KCNMA1: variants seen among roughly 807,000 people sequenced by gnomAD.
The protein encoded by KCNMA1 is potassium calcium-activated channel subfamily M alpha 1.
Under a neutral mutation model 140.0 loss-of-function variants are expected in KCNMA1, and 29 were observed. That is an observed-to-expected ratio of 0.21 (90% CI 0.15 to 0.28). The LOEUF (loss-of-function observed/expected upper bound fraction) is 0.28. Among genes scored for constraint, KCNMA1 ranks in the 10% least tolerant of loss-of-function variants. KCNMA1 has a pLI of 1.00. For synonymous variants in KCNMA1, 612 were observed against 611.9 expected, an observed-to-expected ratio of 1.00 and a Z score of 0.00; for missense variants, 880 against 1,602.2, an observed-to-expected ratio of 0.55 and a Z score of 7.70.
chr10:77,448,126 T>C (rs1471428443), intron 1 of KCNMA1, among the ~76,000 whole-genome samples: 2 of 152,078 alleles, frequency 1.3e-5, no homozygotes, highest in Admixed American at 6.6e-5. Flanking sequence ...CCCATTCTCA[T>C]AAAGGGGTGA....
intron 2 of KCNMA1, among the ~76,000 whole-genome samples, chr10:77,382,860 C>G (rs1471324761): frequency 1.4e-5 from 1 of 69,558 alleles, no homozygotes. Context: ...AGCAAAGCTC[C>G]GTCTCAAAAA....
intron 1 of KCNMA1, among the ~76,000 whole-genome samples, chr10:77,451,144 A>C (rs1042193777): frequency 6.6e-6 from 1 of 152,152 alleles, no homozygotes; most frequent in South Asian, 2.1e-4. Flanking sequence ...GAATAATACA[A>C]GACACAAGCC....
At chr10:77,067,494 G>C (rs983833594) in intron 14 of KCNMA1, among the ~76,000 whole-genome samples, 1 of 151,672 alleles carries the variant, frequency 6.6e-6, no homozygotes, top group African/African-American at 2.4e-5. Context: ...TCTCTCTCAC[G>C]CATGTGTGTG....
At chr10:77,119,770 A>C (rs1341477621) in intron 6 of KCNMA1, among the ~76,000 whole-genome samples, 1 of 152,226 alleles carries the variant, frequency 6.6e-6, no homozygotes, top group Non-Finnish European at 1.5e-5. Flanking sequence ...GCAGGAGGAC[A>C]TACTTTTAAA....
chr10:77,146,723 A>AAAAAAG (rs2098304712), intron 5 of KCNMA1, among the ~76,000 whole-genome samples: 1 of 137,608 alleles, frequency 7.3e-6, no homozygotes, highest in Non-Finnish European at 1.6e-5. Flanking sequence ...AAAAAAAAAA[A>AAAAAAG]AAAAAAAGAA....
chr10:77,432,836 G>A (rs1036437975), intron 1 of KCNMA1, among the ~76,000 whole-genome samples: 13 of 152,266 alleles, frequency 8.5e-5, no homozygotes, highest in East Asian at 1.9e-4. Context: ...ACACCTGGGC[G>A]AGAGAGACTT....
intron 9 of KCNMA1, among the ~76,000 whole-genome samples, chr10:77,099,714 CA>C (rs58252192): frequency 0.72 from 90,391 of 125,692 alleles, 30,798 homozygotes; most frequent in African/African-American, 0.8. Flanking sequence ...AACTCCATCT[CA>C]AAAAAAAAAA....
chr10:76,977,693 A>G (rs2153223125), intron 19 of KCNMA1: 3 of 702,110 alleles, frequency 4.3e-6, no homozygotes, highest in East Asian at 2.7e-5. Context: ...CCTGAAGTGC[A>G]CAGATCTGGG....
At chr10:77,313,543 C>T (rs1311203531) in intron 2 of KCNMA1, among the ~76,000 whole-genome samples, 1 of 152,198 alleles carries the variant, frequency 6.6e-6, no homozygotes, top group Non-Finnish European at 1.5e-5. Context: ...CACCCAAGAA[C>T]AGCGAACAGG....
chr10:77,590,447 C>T lies in KCNMA1; in HGVS notation c.378+46818G>A, dbSNP rs544640743. Among the ~76,000 whole-genome samples the T allele has an allele frequency of 2.0e-5, 3 of 152,306 alleles. No homozygotes were observed. In the South Asian group the frequency reaches 6.2e-4, roughly 32 times the overall value. ...GCCCTGCGGGAAGGCAGCTAAGGCC[C>T]GGTGAGAAATTGAGCACAGCAGCTG... On this transcript the variant is annotated intron_variant, in intron 1 of 27. Coordinates refer to ENST00000286628, the MANE Select transcript of KCNMA1 (RefSeq NM_001161352.2).
At chr10:77,340,445 C>T (rs568466834) in intron 2 of KCNMA1, among the ~76,000 whole-genome samples, 5 of 152,166 alleles carry the variant, frequency 3.3e-5, no homozygotes, top group East Asian at 1.9e-4. Context: ...CACAATAGCA[C>T]GGACTTGGAA....
chr10:77,402,968 AGCTAG>A (rs2096325740), intron 2 of KCNMA1, among the ~76,000 whole-genome samples: 4 of 152,200 alleles, frequency 2.6e-5, no homozygotes, highest in Admixed American at 2.6e-4. Flanking sequence ...CAAGAAAGCA[AGCTAG>A]GGCTTTCCTA....
intron 3 of KCNMA1, among the ~76,000 whole-genome samples, chr10:77,209,335 C>T (rs1361931570): frequency 1.3e-5 from 2 of 152,154 alleles, no homozygotes; most frequent in Non-Finnish European, 2.9e-5. Context: ...TCAAAGCTAC[C>T]CAATAACCTG....
chr10:77,176,528 C>T (rs1213642833), intron 5 of KCNMA1, among the ~76,000 whole-genome samples: 2 of 152,026 alleles, frequency 1.3e-5, no homozygotes, highest in African/African-American at 4.8e-5. Context: ...AGGCTCTCCC[C>T]AACGGTCTCC....
At chr10:77,471,491 C>A (rs965193685) in intron 1 of KCNMA1, among the ~76,000 whole-genome samples, 9 of 151,286 alleles carry the variant, frequency 5.9e-5, no homozygotes, top group African/African-American at 2.2e-4. Context: ...ATGCTACACA[C>A]ACACTTCACA....
intron 1 of KCNMA1, among the ~76,000 whole-genome samples, chr10:77,547,035 T>A (rs994856107): frequency 1.3e-5 from 2 of 152,074 alleles, no homozygotes; most frequent in Non-Finnish European, 2.9e-5. Context: ...CCACACCAAA[T>A]GTTTCCCTAA....
intron 23 of KCNMA1, among the ~76,000 whole-genome samples, chr10:76,938,798 C>T (rs973450962): frequency 6.6e-6 from 1 of 152,186 alleles, no homozygotes; most frequent in African/African-American, 2.4e-5. Flanking sequence ...CTAACACATC[C>T]CCAGGAATCT....
At chr10:76,976,858 A>C (rs1250621561) in intron 19 of KCNMA1, among the ~76,000 whole-genome samples, 2 of 152,188 alleles carry the variant, frequency 1.3e-5, no homozygotes, top group Non-Finnish European at 2.9e-5. Context: ...AGTTTCTTAG[A>C]GATGAGACAC....
chr10:77,302,596 G>A (rs2076788540), intron 2 of KCNMA1, among the ~76,000 whole-genome samples: 1 of 152,174 alleles, frequency 6.6e-6, no homozygotes, highest in African/African-American at 2.4e-5. Flanking sequence ...CAGCCAGTGG[G>A]TGAGCAAGGT....
Sources: gnomAD v4.1 joint callset for allele counts (sites outside exome capture counted in the v4.1 genomes callset) on GRCh38, gnomAD v4.1.1 for gene constraint, MANE v1.5 for transcripts, NCBI Gene and HGNC (gene_info 2026-07-23, HGNC 2026-07-21) for gene names.